MAGI3: variants seen among roughly 807,000 people sequenced by gnomAD.
The protein encoded by MAGI3 is membrane associated guanylate kinase, WW and PDZ domain containing 3, also known as membrane-associated guanylate kinase, WW and PDZ domain-containing protein 3.
Under a neutral mutation model 121.8 loss-of-function variants are expected in MAGI3, and 43 were observed. That is an observed-to-expected ratio of 0.35 (90% CI 0.28 to 0.46). MAGI3 has a LOEUF of 0.46. MAGI3 is among the 20% of genes least tolerant of loss of function. The pLI, the probability that MAGI3 is intolerant of heterozygous loss-of-function variation, is 1.00. For missense variants in MAGI3, 1,547 were observed against 1,797.3 expected (o/e 0.86, Z 2.52); for synonymous variants, 553 against 639.3 (o/e 0.86, Z 2.04).
At chr1:113,640,741 G>A (rs1031537781) in intron 9 of MAGI3, among the ~76,000 whole-genome samples, 5 of 151,506 alleles carry the variant, frequency 3.3e-5, no homozygotes, top group African/African-American at 7.3e-5. Context: ...GGGGGACGAG[G>A]AGAGGGAGAG....
Position 113,633,237 on chromosome 1 carries a change from C to CTTTT in MAGI3, c.1361-8674_1361-8673insTTTT, listed in dbSNP as rs1359169220. Among the ~76,000 whole-genome samples the CTTTT allele has an allele frequency of 1.1e-4, 10 of 91,994 alleles. 2 individuals carry two copies. The highest frequency in any genetic ancestry group is 3.7e-4 in the African/African-American group (9 of 24,242). 60.4% of individuals were successfully genotyped at this position (91,994 alleles called of 152,430 possible). On this transcript the variant is annotated intron_variant, in intron 9 of 20. Coordinates refer to ENST00000307546, the MANE Select transcript of MAGI3 (RefSeq NM_001142782.2). Reference sequence around the variant, plus strand: ...GTCCCTACAAAGGACATGAACTCATCATTTTTTTTTTTTTTTTTTTTTTTT... The same window carrying CTTTT: ...GTCCCTACAAAGGACATGAACTCATCTTTTATTTTTTTTTTTTTTTTTTTTTTTT...
At chr1:113,506,076 A>G (rs1657312913) in intron 1 of MAGI3, among the ~76,000 whole-genome samples, 1 of 152,188 alleles carries the variant, frequency 6.6e-6, no homozygotes, top group Non-Finnish European at 1.5e-5. Flanking sequence ...AGAAGCAAGA[A>G]AGACTATTGC....
intron 1 of MAGI3, among the ~76,000 whole-genome samples, chr1:113,392,104 G>A (rs1650857275): frequency 6.6e-6 from 1 of 152,216 alleles, no homozygotes; most frequent in South Asian, 2.1e-4. Flanking sequence ...AGTAAAAATT[G>A]CTGCAAAGCA....
chr1:113,550,517 A>AGGCTGAGGTGGGCAGATC (rs1411169565), intron 2 of MAGI3, among the ~76,000 whole-genome samples: 102 of 152,132 alleles, frequency 6.7e-4, no homozygotes, highest in African/African-American at 2.5e-3. Flanking sequence ...GCACTTTGGG[A>AGGCTGAGGTGGGCAGATC]GGCTGAGGTG....
At chr1:113,550,270 A>T (rs1214850593) in intron 2 of MAGI3, among the ~76,000 whole-genome samples, 1 of 145,044 alleles carries the variant, frequency 6.9e-6, no homozygotes, top group Non-Finnish European at 1.5e-5. Context: ...AAAAAAAATT[A>T]GCCGGGTGCG....
At chr1:113,566,614 T>A (rs1292500993) in intron 2 of MAGI3, among the ~76,000 whole-genome samples, 1 of 152,076 alleles carries the variant, frequency 6.6e-6, no homozygotes, top group Non-Finnish European at 1.5e-5. Context: ...TCTCTGACCA[T>A]AATGGAATGA....
At chr1:113,568,131 CT>C in intron 2 of MAGI3, among the ~76,000 whole-genome samples, 1 of 152,130 alleles carries the variant, frequency 6.6e-6, no homozygotes, top group East Asian at 1.9e-4. Context: ...CCCAAGGAAA[CT>C]TTGGGGGATA....
At chr1:113,393,380 T>C (rs551756927) in intron 1 of MAGI3, among the ~76,000 whole-genome samples, 1 of 152,334 alleles carries the variant, frequency 6.6e-6, no homozygotes, top group South Asian at 2.1e-4. Flanking sequence ...ATACTACACT[T>C]GTTTTTTGAA....
At chr1:113,626,284 G>A (rs1213135761) in intron 9 of MAGI3, among the ~76,000 whole-genome samples, 1 of 152,074 alleles carries the variant, frequency 6.6e-6, no homozygotes, top group Non-Finnish European at 1.5e-5. Context: ...TGCATATATT[G>A]TACCATCCTT....
chr1:113,641,008 T>TATATAG (rs1557868771), intron 9 of MAGI3, among the ~76,000 whole-genome samples: 1 of 56,672 alleles, frequency 1.8e-5, no homozygotes, highest in Non-Finnish European at 3.7e-5. Flanking sequence ...ATATATATAA[T>TATATAG]ATATATGATA....
chr1:113,508,826 T>C (rs1245895405), intron 1 of MAGI3, among the ~76,000 whole-genome samples: 1 of 149,736 alleles, frequency 6.7e-6, no homozygotes, highest in Non-Finnish European at 1.5e-5. Flanking sequence ...AATTGATTGA[T>C]TTTTTTAAAA....
intron 2 of MAGI3, among the ~76,000 whole-genome samples, chr1:113,558,206 G>C (rs920024316): frequency 6.6e-6 from 1 of 152,210 alleles, no homozygotes; most frequent in African/African-American, 2.4e-5. Flanking sequence ...ACCAGGCTAA[G>C]GCTGAGATGG....
chr1:113,636,461 A>G (rs1175281964), intron 9 of MAGI3, among the ~76,000 whole-genome samples: 1 of 152,136 alleles, frequency 6.6e-6, no homozygotes, highest in African/African-American at 2.4e-5. Flanking sequence ...GAACATCTTT[A>G]TTTCTGTCTT....
At chr1:113,436,127 CATATT>C (rs1653553432) in intron 1 of MAGI3, among the ~76,000 whole-genome samples, 1 of 152,032 alleles carries the variant, frequency 6.6e-6, no homozygotes, top group African/African-American at 2.4e-5. Context: ...AGAATTATAA[CATATT>C]ATAAATTATC....
intron 16 of MAGI3, among the ~76,000 whole-genome samples, chr1:113,670,395 C>T (rs1438305683): frequency 6.6e-6 from 1 of 152,174 alleles, no homozygotes; most frequent in African/African-American, 2.4e-5. Context: ...AATAGTGATG[C>T]ATGTATTGTA....
intron 1 of MAGI3, among the ~76,000 whole-genome samples, chr1:113,443,185 C>T (rs183374208): frequency 1.7e-3 from 259 of 152,190 alleles, no homozygotes; most frequent in Non-Finnish European, 3.0e-3. Context: ...CATAATTTTA[C>T]AGTAGTAATT....
In MAGI3 at chr1:113,411,688, C is replaced by T. The variant is rs542951412; in HGVS notation, c.316+20339C>T. ...AAATTGATTTATTCCTTGATTTCTT[C>T]TCTGAATCTTGAATACAAATTAATT... On this transcript the variant is annotated intron_variant, in intron 1 of 20. Coordinates refer to ENST00000307546, the MANE Select transcript of MAGI3 (RefSeq NM_001142782.2). Among the ~76,000 whole-genome samples the T allele has an allele frequency of 2.2e-3, 339 of 150,822 alleles. 2 individuals carry two copies. Among genetic ancestry groups the T allele is most frequent in the Non-Finnish European group, 3.4e-3 (231 of 67,770 alleles).
chr1:113,547,944 G>A (rs1312373449), intron 1 of MAGI3, among the ~76,000 whole-genome samples: 1 of 152,086 alleles, frequency 6.6e-6, no homozygotes, highest in African/African-American at 2.4e-5. Flanking sequence ...GGACTTTTTA[G>A]GGTTTGTGTT....
intron 1 of MAGI3, among the ~76,000 whole-genome samples, chr1:113,410,462 C>T (rs1480297735): frequency 6.6e-6 from 1 of 151,642 alleles, no homozygotes; most frequent in Non-Finnish European, 1.5e-5. Context: ...TGGCTGTGAC[C>T]GTCCTAGACG....
Sources: gnomAD v4.1 joint callset for allele counts (sites outside exome capture counted in the v4.1 genomes callset) on GRCh38, gnomAD v4.1.1 for gene constraint, MANE v1.5 for transcripts, NCBI Gene and HGNC (gene_info 2026-07-23, HGNC 2026-07-21) for gene names.